METTL15: variants seen among roughly 807,000 people sequenced by gnomAD.
METTL15 encodes the protein methyltransferase 15, mitochondrial 12S rRNA N4-cytidine.
METTL15 carries 34 observed loss-of-function variants against 38.3 expected under a neutral mutation model. The ratio of observed to expected loss-of-function variants is 0.89; its 90% CI spans 0.68 to 1.18. METTL15 has a LOEUF of 1.18. Ranked by LOEUF, METTL15 falls within the 50% of genes most tolerant of loss-of-function variation. The pLI, the probability that METTL15 is intolerant of heterozygous loss-of-function variation, is 0.00. For synonymous variants in METTL15, 162 were observed against 170.9 expected, an observed-to-expected ratio of 0.95 and a Z score of 0.41; for missense variants, 438 against 498.4, an observed-to-expected ratio of 0.88 and a Z score of 1.15.
intron 3 of METTL15, among the ~76,000 whole-genome samples, chr11:28,178,995 G>T (rs1182873891): frequency 6.6e-6 from 1 of 151,524 alleles, no homozygotes; most frequent in African/African-American, 2.4e-5. Flanking sequence ...TTTTCTTCTT[G>T]CACTTTGTTT....
intron 3 of METTL15, among the ~76,000 whole-genome samples, chr11:28,338,801 T>C (rs1849924202): frequency 6.6e-6 from 1 of 152,132 alleles, no homozygotes; most frequent in Admixed American, 6.5e-5. Context: ...TCAGCTTTGG[T>C]AATGACAAGA....
downstream of METTL15, among the ~76,000 whole-genome samples, chr11:28,338,392 C>T (rs1394882746): frequency 6.6e-6 from 1 of 152,058 alleles, no homozygotes; most frequent in African/African-American, 2.4e-5. Context: ...GGCCCAACAC[C>T]CTAATCACCA....
At chr11:28,382,379 C>T (rs1351539226) in intron 5 of METTL15, among the ~76,000 whole-genome samples, 11 of 152,104 alleles carry the variant, frequency 7.2e-5, no homozygotes, top group Admixed American at 6.5e-4. Flanking sequence ...GTGATGTTTC[C>T]TGTAGGTGAG....
At chr11:28,444,019 G>A (rs1851056007) in intron 6 of METTL15, among the ~76,000 whole-genome samples, 1 of 151,992 alleles carries the variant, frequency 6.6e-6, no homozygotes, top group Admixed American at 6.6e-5. Flanking sequence ...AATTTTTCAT[G>A]TAATTACAAA....
At chr11:28,395,233 A>G (rs1232705358) in intron 5 of METTL15, among the ~76,000 whole-genome samples, 5 of 152,052 alleles carry the variant, frequency 3.3e-5, no homozygotes, top group African/African-American at 1.2e-4. Context: ...GTGCAGCATA[A>G]GAGACTAGAT....
chr11:28,111,887 C>A (rs1479218503), intron 2 of METTL15, among the ~76,000 whole-genome samples: 1 of 152,090 alleles, frequency 6.6e-6, no homozygotes, highest in Non-Finnish European at 1.5e-5. Context: ...TTTCCAGAAA[C>A]CTTAGGCATA....
At chr11:28,376,894 T>G (rs1481729872) in intron 5 of METTL15, among the ~76,000 whole-genome samples, 1 of 140,902 alleles carries the variant, frequency 7.1e-6, no homozygotes, top group Non-Finnish European at 1.6e-5. Flanking sequence ...GTCTGTAAAG[T>G]ATTTTATTTC....
At chr11:28,186,451 A>G (rs1851497244) in intron 3 of METTL15, among the ~76,000 whole-genome samples, 1 of 151,138 alleles carries the variant, frequency 6.6e-6, no homozygotes, top group Non-Finnish European at 1.5e-5. Flanking sequence ...TGGAGAGTTA[A>G]TTTTATGACT....
Position 28,208,931 on chromosome 11 carries a change from T to TATTA in METTL15, c.271-2129_271-2126dup, listed in dbSNP as rs1227240285. 7.2e-5 allele frequency among the ~76,000 whole-genome samples: 11 copies of TATTA among 151,992 alleles called. 1 individual carries two copies. The highest frequency in any genetic ancestry group is 7.2e-4 in the Admixed American group (11 of 15,206). Reference sequence around the variant, plus strand: ...ATGAGAGTTGATGGCTCCAATCACGTATTAACTCAGGACATATGATGGGTT... The same window carrying TATTA: ...ATGAGAGTTGATGGCTCCAATCACGTATTAATTAACTCAGGACATATGATGGGTT... On this transcript the variant is annotated intron_variant, in intron 3 of 6. Coordinates refer to ENST00000407364, the MANE Select transcript of METTL15 (RefSeq NM_001113528.2).
chr11:28,122,252 A>G (rs568601811), intron 3 of METTL15: 2 of 1,047,470 alleles, frequency 1.9e-6, no homozygotes, highest in Non-Finnish European at 1.2e-6. Flanking sequence ...TGTTCATATC[A>G]TGTTATAAAA....
At chr11:28,524,604 A>C (rs1365860348) in intron 6 of METTL15, among the ~76,000 whole-genome samples, 1 of 152,214 alleles carries the variant, frequency 6.6e-6, no homozygotes, top group Non-Finnish European at 1.5e-5. Flanking sequence ...TGAAGGGTTC[A>C]AGAAAGTGTC....
intron 5 of METTL15, among the ~76,000 whole-genome samples, chr11:28,375,789 CT>C (rs1850303769): frequency 6.6e-6 from 1 of 151,838 alleles, no homozygotes. Flanking sequence ...TTCCTGCTTT[CT>C]CTTGTGGGTA....
chr11:28,285,198 A>G (rs528970173), intron 4 of METTL15, among the ~76,000 whole-genome samples: 6 of 152,190 alleles, frequency 3.9e-5, no homozygotes, highest in Admixed American at 6.6e-5. Flanking sequence ...TTCCTTTACA[A>G]ATTACCCAGA....
At chr11:28,442,533 T>C (rs968849649) in intron 6 of METTL15, among the ~76,000 whole-genome samples, 10 of 152,216 alleles carry the variant, frequency 6.6e-5, no homozygotes, top group Non-Finnish European at 1.5e-4. Context: ...ACTTTTTCAG[T>C]AACACAAAGC....
chr11:28,380,986 T>G (rs1262689938), intron 5 of METTL15, among the ~76,000 whole-genome samples: 2 of 152,126 alleles, frequency 1.3e-5, no homozygotes, highest in Non-Finnish European at 2.9e-5. Flanking sequence ...AGTGTCCCTT[T>G]TGTCTTTGAT....
At chr11:28,209,549 C>T (rs1488746967) in intron 3 of METTL15, among the ~76,000 whole-genome samples, 1 of 152,072 alleles carries the variant, frequency 6.6e-6, no homozygotes. Context: ...AGTTAAGTCA[C>T]ACTACAACAT....
chr11:28,198,363 A>G (rs1298241402), intron 3 of METTL15, among the ~76,000 whole-genome samples: 1 of 152,142 alleles, frequency 6.6e-6, no homozygotes, highest in Non-Finnish European at 1.5e-5. Context: ...AAATACTCCA[A>G]TTATTTAATG....
intron 6 of METTL15, among the ~76,000 whole-genome samples, chr11:28,484,083 A>G (rs1318420711): frequency 6.6e-6 from 1 of 152,176 alleles, no homozygotes; most frequent in Non-Finnish European, 1.5e-5. Context: ...AACAAAGCAA[A>G]AATCGTATAA....
intron 6 of METTL15, among the ~76,000 whole-genome samples, chr11:28,449,505 G>T (rs1851101896): frequency 1.3e-5 from 2 of 152,200 alleles, no homozygotes; most frequent in African/African-American, 4.8e-5. Flanking sequence ...GGCAACAAGA[G>T]CAAATCCATA....
Sources: gnomAD v4.1 joint callset for allele counts (sites outside exome capture counted in the v4.1 genomes callset) on GRCh38, gnomAD v4.1.1 for gene constraint, MANE v1.5 for transcripts, NCBI Gene and HGNC (gene_info 2026-07-23, HGNC 2026-07-21) for gene names.